The following OLFM3 variants were observed in gnomAD, a reference collection of about 807,000 sequenced individuals.
The protein encoded by OLFM3 is olfactomedin 3.
Under a neutral mutation model 48.6 loss-of-function variants are expected in OLFM3, and 20 were observed. That is an observed-to-expected ratio of 0.41 (90% CI 0.29 to 0.60). The LOEUF is 0.60. Ranked by LOEUF, OLFM3 falls within the 20% of genes least tolerant of loss-of-function variation. The pLI, the probability that OLFM3 is intolerant of heterozygous loss-of-function variation, is 0.28. For synonymous variants in OLFM3, 222 were observed against 198.1 expected (o/e 1.12, Z -1.01); for missense variants, 437 against 544.3 (o/e 0.80, Z 1.96).
chr1:101,936,185 G>A (rs552019686), intron 1 of OLFM3, among the ~76,000 whole-genome samples: 2 of 152,230 alleles, frequency 1.3e-5, no homozygotes, highest in South Asian at 4.1e-4. Context: ...AACTATCTCA[G>A]TTTGCAGATG....
chr1:101,830,967 A>G, intron 2 of OLFM3, 140 bp from the exon 3 acceptor site: 1 of 652,974 alleles, frequency 1.5e-6, no homozygotes, highest in Non-Finnish European at 2.6e-6. Context: ...ACATTTTCAG[A>G]AGAACAATTC....
intron 1 of OLFM3, among the ~76,000 whole-genome samples, chr1:101,921,056 C>T (rs1367627041): frequency 1.3e-5 from 2 of 152,048 alleles, no homozygotes; most frequent in African/African-American, 2.4e-5. Context: ...ACTACTTTTC[C>T]TATTTCACTC....
chr1:101,879,492 T>C (rs781632504), intron 1 of OLFM3, among the ~76,000 whole-genome samples: 1 of 151,906 alleles, frequency 6.6e-6, no homozygotes, highest in Non-Finnish European at 1.5e-5. Context: ...TGATTGATAT[T>C]GGTTTCATAT....
intron 1 of OLFM3, among the ~76,000 whole-genome samples, chr1:101,842,683 C>T (rs1655786188): frequency 1.3e-5 from 2 of 152,184 alleles, no homozygotes; most frequent in Admixed American, 1.3e-4. Flanking sequence ...TCTACAAATT[C>T]TCCTTGTGTT....
At chr1:101,875,399 A>G (rs1657258322) in intron 1 of OLFM3, among the ~76,000 whole-genome samples, 1 of 151,964 alleles carries the variant, frequency 6.6e-6, no homozygotes, top group Non-Finnish European at 1.5e-5. Flanking sequence ...GTTAATTAGT[A>G]TTGGCTAATC....
chr1:101,923,013 C>T (rs1659149164), intron 1 of OLFM3, among the ~76,000 whole-genome samples: 1 of 152,170 alleles, frequency 6.6e-6, no homozygotes, highest in South Asian at 2.1e-4. Flanking sequence ...AGTTTTAGCT[C>T]AAACAAGCAA....
At chr1:101,936,430 G>A (rs923744834) in intron 1 of OLFM3, among the ~76,000 whole-genome samples, 1 of 152,060 alleles carries the variant, frequency 6.6e-6, no homozygotes. Flanking sequence ...TCTACACAAT[G>A]AGAATTACAA....
At chr1:101,922,378 T>G (rs1659125408) in intron 1 of OLFM3, among the ~76,000 whole-genome samples, 1 of 152,180 alleles carries the variant, frequency 6.6e-6, no homozygotes, top group Non-Finnish European at 1.5e-5. Context: ...CTCCAACCTG[T>G]GCTTTGAACA....
In OLFM3 at chr1:101,804,729, T is replaced by A; in HGVS notation, c.886A>T (p.Ser296Cys). Reference sequence around the variant, plus strand: ...GCAAGCACTCTCCCCATATCAAAGCTGTATTTGATGATGATATTACTCTGA... The same window carrying A: ...GCAAGCACTCTCCCCATATCAAAGCAGTATTTGATGATGATATTACTCTGA... The part of the protein sequence containing the change: ...KYQSNIIIKY[S>C]FDMGRVLAQR... Residue 296 changes from serine to cysteine, a missense_variant, in exon 6 of 6, where the codon AGC becomes TGC. Ser to Cys is a moderately radical substitution (Grantham distance 112, BLOSUM62 -1). Transcript: ENST00000370103. This position sits in a 1 kb window ranked among gnomAD's most constrained non-coding sequence, Gnocchi z 4.5. 1 of 1,612,662 alleles carries A rather than the reference T, an allele frequency of 6.2e-7. No homozygotes were observed. The highest frequency in any genetic ancestry group is 8.5e-7 in the Non-Finnish European group (1 of 1,179,154).
At chr1:101,985,345 C>A (rs1011979778) in intron 1 of OLFM3, among the ~76,000 whole-genome samples, 1 of 152,168 alleles carries the variant, frequency 6.6e-6, no homozygotes, top group African/African-American at 2.4e-5. Flanking sequence ...AAGCAGACAT[C>A]TTTGGAAGGA....
Position 101,804,487 on chromosome 1 carries a change from T to C in OLFM3, c.1128A>G (p.Glu376=). Residue 376 remains glutamate, a synonymous_variant, in exon 6 of 6, where the codon GAA becomes GAG. Transcript: ENST00000370103. This position sits in a 1 kb window ranked among gnomAD's most constrained non-coding sequence, Gnocchi z 4.5. ...ACAGTGTCCCACAGATCATGAAAGA[T>C]TCCCCTGCACTTCTCTTGGGGTAGC... ...STGYPKRSAG[E]SFMICGTLYV... is the part of the protein sequence containing the mutation. 1 of 1,612,714 alleles carries C rather than the reference T, an allele frequency of 6.2e-7. No individual in the cohort carries two copies. Among genetic ancestry groups the C allele is most frequent in the East Asian group, 2.2e-5 (1 of 44,812 alleles).
At chr1:101,867,765 A>G (rs2100971905) in intron 1 of OLFM3, among the ~76,000 whole-genome samples, 1 of 152,322 alleles carries the variant, frequency 6.6e-6, no homozygotes, top group South Asian at 2.1e-4. Context: ...TTTGCTTCAT[A>G]AAGTCAGCAT....
chr1:101,940,104 C>A (rs1375016187), intron 1 of OLFM3, among the ~76,000 whole-genome samples: 1 of 151,994 alleles, frequency 6.6e-6, no homozygotes, highest in East Asian at 1.9e-4. Context: ...TAGACATAGT[C>A]TGAGTGTGTT....
Position 101,838,503 on chromosome 1 carries a change from T to C in OLFM3, c.70-1478A>G, listed in dbSNP as rs535176540. ...CAAATAATGTACACCAAATTTATTT[T>C]CATAAATAAATTTCAGTGGAAGAAA... On this transcript the variant is annotated intron_variant, in intron 1 of 5. Transcript: ENST00000370103. 3.9e-5 allele frequency among the ~76,000 whole-genome samples: 6 copies of C among 152,368 alleles called. No homozygotes were observed. The East Asian group carries it at 1.2e-3, about 29-fold the overall frequency.
chr1:101,993,884 C>T (rs1305891369), intron 1 of OLFM3, among the ~76,000 whole-genome samples: 1 of 150,810 alleles, frequency 6.6e-6, no homozygotes, highest in Non-Finnish European at 1.5e-5. Context: ...AGTAACTTAT[C>T]TTACCATAAG....
At chr1:101,839,961 C>A (rs1655629197) in intron 1 of OLFM3, among the ~76,000 whole-genome samples, 1 of 152,086 alleles carries the variant, frequency 6.6e-6, no homozygotes, top group African/African-American at 2.4e-5. Flanking sequence ...AGGAAAAAAC[C>A]TAATAGAAAA....
intron 3 of OLFM3, among the ~76,000 whole-genome samples, chr1:101,826,453 T>C (rs539502843): frequency 1.3e-5 from 2 of 152,338 alleles, no homozygotes; most frequent in Admixed American, 1.3e-4. Flanking sequence ...AATTATACTG[T>C]ACACTAACTG....
intron 1 of OLFM3, among the ~76,000 whole-genome samples, chr1:101,934,241 TCA>T (rs1290887028): frequency 6.6e-6 from 1 of 152,112 alleles, no homozygotes; most frequent in African/African-American, 2.4e-5. Context: ...GTGATGATAC[TCA>T]CAGCCTCAAA....
At chr1:101,864,986 A>G (rs1017276860) in intron 1 of OLFM3, among the ~76,000 whole-genome samples, 6 of 152,058 alleles carry the variant, frequency 3.9e-5, no homozygotes, top group African/African-American at 1.4e-4. Flanking sequence ...AGCCCATTCC[A>G]TTTGGTTTTA....
Sources: allele counts gnomAD v4.1 joint callset (sites outside exome capture counted in the v4.1 genomes callset), GRCh38; gene constraint gnomAD v4.1.1; non-coding constraint Gnocchi (gnomAD v3.1); transcripts MANE v1.5; gene names NCBI Gene and HGNC (gene_info 2026-07-23, HGNC 2026-07-21).